Variants in JARID2 observed in about 807,000 individuals in gnomAD.
JARID2 encodes jumonji and AT-rich interaction domain containing 2, also known as protein Jumonji.
A neutral mutation model predicts 125.6 loss-of-function variants in JARID2; 21 were observed. The observed-to-expected ratio is 0.17, with a 90% CI of 0.12 to 0.24. The LOEUF (loss-of-function observed/expected upper bound fraction) is 0.24. Among genes scored for constraint, JARID2 ranks in the 10% least tolerant of loss-of-function variants. The probability of loss-of-function intolerance (pLI) is 1.00; values close to 1 mark genes in which losing one functional copy is unlikely to be tolerated. For missense variants in JARID2, 1,303 were observed against 1,639.6 expected (o/e 0.79, Z 3.55); for synonymous variants, 736 against 661.6 (o/e 1.11, Z -1.73).
At chr6:15,419,058 C>T (rs1424176742) in intron 3 of JARID2, among the ~76,000 whole-genome samples, 1 of 152,038 alleles carries the variant, frequency 6.6e-6, no homozygotes, top group African/African-American at 2.4e-5. Context: ...TAAATAAGTG[C>T]CTAGTTTTTA....
At chr6:15,505,919 T>C (rs1407652644) in intron 9 of JARID2, among the ~76,000 whole-genome samples, 1 of 152,252 alleles carries the variant, frequency 6.6e-6, no homozygotes, top group African/African-American at 2.4e-5. Flanking sequence ...GCGTTGGACC[T>C]GGGAAGAGGC....
At chr6:15,454,141 C>T (rs1768045798) in intron 4 of JARID2, among the ~76,000 whole-genome samples, 1 of 152,162 alleles carries the variant, frequency 6.6e-6, no homozygotes, top group East Asian at 1.9e-4. Flanking sequence ...TACTTACTTG[C>T]TCTGTCTTTT....
intron 3 of JARID2, among the ~76,000 whole-genome samples, chr6:15,418,999 A>G (rs1037665996): frequency 2.0e-5 from 3 of 152,226 alleles, no homozygotes; most frequent in African/African-American, 7.2e-5. Flanking sequence ...GATAGCATGC[A>G]TGAATTGGGA....
chr6:15,517,612 C>T (rs1017722576), intron 17 of JARID2, among the ~76,000 whole-genome samples: 5 of 152,202 alleles, frequency 3.3e-5, no homozygotes, highest in Non-Finnish European at 2.9e-5. Flanking sequence ...GGATGGTTGG[C>T]AGTGGCCTCT....
At chr6:15,391,934 ATG>A (rs1765026145) in intron 2 of JARID2, among the ~76,000 whole-genome samples, 1 of 152,154 alleles carries the variant, frequency 6.6e-6, no homozygotes, top group Non-Finnish European at 1.5e-5. Context: ...CTTTTGCAGA[ATG>A]TGGAGGGAAG....
Position 15,281,174 on chromosome 6 carries a change from T to A in JARID2, c.45+34590T>A, listed in dbSNP as rs149872939. Among the ~76,000 whole-genome samples, 626 of 152,298 alleles carry A rather than the reference T, an allele frequency of 4.1e-3. 12 individuals carry two copies. Among genetic ancestry groups the A allele is most frequent in the Admixed American group, 0.037 (572 of 15,278 alleles). The stretch of plus-strand genomic sequence containing the variant: ...CCCAATACGCATGTGAGATGCAGCT[T>A]CCAGTCAGTGCGCATATACCACTTG... On this transcript the variant is annotated intron_variant, in intron 1 of 17. Transcript: ENST00000341776.
intron 4 of JARID2, among the ~76,000 whole-genome samples, chr6:15,452,672 AT>A (rs146472929): frequency 3.0e-3 from 464 of 152,328 alleles, no homozygotes; most frequent in African/African-American, 0.011. Flanking sequence ...TCAGAGTCTA[AT>A]TGACAGTGCA....
At chr6:15,417,206 T>G (rs1766270725) in intron 3 of JARID2, among the ~76,000 whole-genome samples, 1 of 151,916 alleles carries the variant, frequency 6.6e-6, no homozygotes, top group South Asian at 2.1e-4. Flanking sequence ...CTTAAGCGGG[T>G]TTTGTGGAGA....
intron 1 of JARID2, among the ~76,000 whole-genome samples, chr6:15,249,357 C>T (rs1561745317): frequency 6.6e-6 from 1 of 152,014 alleles, no homozygotes; most frequent in Non-Finnish European, 1.5e-5. Flanking sequence ...CTTTGCTGTG[C>T]CGGCTCTGTA....
At chr6:15,398,612 GAC>G (rs1765303522) in intron 2 of JARID2, among the ~76,000 whole-genome samples, 1 of 152,222 alleles carries the variant, frequency 6.6e-6, no homozygotes. Flanking sequence ...ACACAGGACT[GAC>G]TCGCATGTAC....
intron 3 of JARID2, among the ~76,000 whole-genome samples, chr6:15,447,618 C>T (rs1269765631): frequency 2.6e-5 from 4 of 152,244 alleles, no homozygotes; most frequent in Non-Finnish European, 5.9e-5. Flanking sequence ...GATTCTGAAC[C>T]TCTTTTATCC....
chr6:15,508,160 C>T (rs1388529011), intron 11 of JARID2, among the ~76,000 whole-genome samples, 180 bp from the exon 12 acceptor site: 7 of 152,220 alleles, frequency 4.6e-5, no homozygotes, highest in Non-Finnish European at 7.3e-5. Context: ...TCATATTCTC[C>T]CACTTCTGTA....
At chr6:15,316,149 A>T (rs536615572) in intron 1 of JARID2, among the ~76,000 whole-genome samples, 2 of 151,834 alleles carry the variant, frequency 1.3e-5, no homozygotes, top group South Asian at 2.1e-4. Context: ...ATGGAGTCTC[A>T]CTCTTGCCAA....
At chr6:15,348,017 A>G (rs1763299558) in intron 1 of JARID2, among the ~76,000 whole-genome samples, 1 of 152,122 alleles carries the variant, frequency 6.6e-6, no homozygotes, top group Non-Finnish European at 1.5e-5. Context: ...GCTGGGTTAC[A>G]GGTGTGAGCC....
chr6:15,516,041 G>A (rs1581674261), intron 16 of JARID2, among the ~76,000 whole-genome samples: 2 of 151,756 alleles, frequency 1.3e-5, no homozygotes, highest in Middle Eastern at 3.4e-3. Context: ...AAAAATTGGG[G>A]TTTGACTTAT....
intron 2 of JARID2, among the ~76,000 whole-genome samples, chr6:15,406,642 CT>C (rs1765662658): frequency 6.6e-6 from 1 of 152,112 alleles, no homozygotes; most frequent in African/African-American, 2.4e-5. Flanking sequence ...ACTTTGATTT[CT>C]TTTTGCTCAG....
intron 1 of JARID2, among the ~76,000 whole-genome samples, chr6:15,334,488 C>G (rs965587641): frequency 2.0e-5 from 3 of 152,214 alleles, no homozygotes; most frequent in African/African-American, 7.2e-5. Context: ...CCTGCCACTA[C>G]TTTTCTGATC....
At chr6:15,323,397 TA>T (rs1236931495) in intron 1 of JARID2, among the ~76,000 whole-genome samples, 1 of 152,350 alleles carries the variant, frequency 6.6e-6, no homozygotes, top group African/African-American at 2.4e-5. Context: ...CCTCTTGGCC[TA>T]GCGTCTTCAT....
intron 1 of JARID2, among the ~76,000 whole-genome samples, chr6:15,357,917 G>A (rs558302492): frequency 3.3e-5 from 5 of 152,174 alleles, no homozygotes; most frequent in East Asian, 3.9e-4. Context: ...CAATTCCACC[G>A]TCTTCTGAGT....
Sources: allele counts gnomAD v4.1 joint callset (sites outside exome capture counted in the v4.1 genomes callset), GRCh38; gene constraint gnomAD v4.1.1; transcripts MANE v1.5; gene names NCBI Gene and HGNC (gene_info 2026-07-23, HGNC 2026-07-21).